The following CACNA1D variants were observed in gnomAD, a reference collection of about 807,000 sequenced individuals.
CACNA1D encodes calcium voltage-gated channel subunit alpha1 D.
In CACNA1D, 55 loss-of-function variants were observed where a neutral mutation model predicts 257.1. The ratio of observed to expected loss-of-function variants is 0.21; its 90% CI spans 0.17 to 0.27. The LOEUF is 0.27. Ranked by LOEUF, CACNA1D falls within the 10% of genes least tolerant of loss-of-function variation. CACNA1D has a pLI of 1.00. For missense variants in CACNA1D, 1,876 were observed against 2,784.0 expected, an observed-to-expected ratio of 0.67 and a Z score of 7.34; for synonymous variants, 980 against 1,014.9, an observed-to-expected ratio of 0.97 and a Z score of 0.65.
Position 53,782,262 on chromosome 3 carries a change from G to GTATATATATATATA in CACNA1D, c.4792+596_4792+597insATATATATATATAT, listed in dbSNP as rs1413952414. The GTATATATATATATA allele has an allele frequency of 3.0e-3, 128 of 41,980 alleles. 1 individual carries two copies. Among genetic ancestry groups the GTATATATATATATA allele is most frequent in the East Asian group, 0.011 (11 of 972 alleles). 2.6% of individuals were successfully genotyped at this position (41,980 alleles called of 1,614,324 possible). A position where few individuals can be genotyped will look rare whatever the true frequency, so the allele number is the denominator to read the frequency against. On this transcript the variant is annotated intron_variant, in intron 39 of 47. Coordinates refer to ENST00000350061, the MANE Select transcript of CACNA1D (RefSeq NM_001128840.3). ...ACAGTGTGTGTGTGTGTGTGTGTGT[G>GTATATATATATATA]TGTATATATATATATATATATATAT...
intron 9 of CACNA1D, among the ~76,000 whole-genome samples, chr3:53,717,420 G>A (rs1361069607): frequency 1.3e-5 from 2 of 152,210 alleles, no homozygotes; most frequent in Non-Finnish European, 2.9e-5. Flanking sequence ...TGTTCGTGAT[G>A]TTTATGGGGT....
At chr3:53,702,577 G>A in intron 8 of CACNA1D, 64 bp from the exon 9 acceptor site, 1 of 1,534,466 alleles carries the variant, frequency 6.5e-7, no homozygotes, top group African/African-American at 1.4e-5. Context: ...CAGTAGGGCA[G>A]TGGCTCAGGA....
At chr3:53,694,899 C>A (rs2094559762) in intron 8 of CACNA1D, among the ~76,000 whole-genome samples, 1 of 152,172 alleles carries the variant, frequency 6.6e-6, no homozygotes. Flanking sequence ...TGGGCTCAGG[C>A]TGTGCTTGTT....
rs890864801 is a variant in CACNA1D, at chr3:53,540,605, T to TA, written c.483+38893dup. On this transcript the variant is annotated intron_variant, in intron 3 of 47. Transcript: ENST00000350061. ...TTTGCCTTTCTATTTAAATTTCCTTTAAAAAAAATTGACACCAAAGAAATA... is the reference window on the plus strand; with the variant it reads ...TTTGCCTTTCTATTTAAATTTCCTTTAAAAAAAAATTGACACCAAAGAAATA... Among the ~76,000 whole-genome samples, 321 of 152,074 alleles carry TA rather than the reference T, an allele frequency of 2.1e-3. 5 individuals carry two copies. Among genetic ancestry groups the TA allele is most frequent in the African/African-American group, 7.4e-3 (306 of 41,480 alleles).
At chr3:53,525,673 G>A (rs930218607) in intron 3 of CACNA1D, among the ~76,000 whole-genome samples, 1 of 152,104 alleles carries the variant, frequency 6.6e-6, no homozygotes, top group Non-Finnish European at 1.5e-5. Flanking sequence ...GGAGCTCTCA[G>A]GATGTGCCAA....
At chr3:53,614,630 C>T (rs149974634) in intron 3 of CACNA1D, among the ~76,000 whole-genome samples, 32 of 152,294 alleles carry the variant, frequency 2.1e-4, no homozygotes, top group Middle Eastern at 3.4e-3. Context: ...TTATAAGGCC[C>T]ACATTCGTTT....
chr3:53,631,811 G>T (rs767978439), intron 3 of CACNA1D, among the ~76,000 whole-genome samples: 1 of 152,228 alleles, frequency 6.6e-6, no homozygotes, highest in African/African-American at 2.4e-5. Flanking sequence ...ATCAGATCAG[G>T]TGCATTGTTA....
chr3:53,673,198 G>A lies in CACNA1D; in HGVS notation c.1220+72G>A, dbSNP rs1046305989. 2.0e-6 allele frequency: 2 copies of A among 1,023,676 alleles called. No homozygotes were observed. The highest frequency in any genetic ancestry group is 4.1e-5 in the Admixed American group (2 of 48,374). The allele number at this position is 1,023,676 out of a possible 1,614,324, so 63.4% of individuals were successfully genotyped here. On this transcript the variant is annotated intron_variant, in intron 8 of 47. Coordinates refer to ENST00000350061, the MANE Select transcript of CACNA1D (RefSeq NM_001128840.3). This position sits in a 1 kb window ranked among gnomAD's most constrained non-coding sequence, Gnocchi z 4.1. ...TGCCAAGACCACACAAGCTTTGCTG[G>A]ATGAGGGCCGCCAAGAGGGGTTGCC...
chr3:53,672,758 C>CTG (rs57956658), intron 7 of CACNA1D, among the ~76,000 whole-genome samples: 2,376 of 94,996 alleles, frequency 0.025, 54 homozygotes, highest in Non-Finnish European at 0.029. Flanking sequence ...CTTGATGACT[C>CTG]TGTGTGTGTG....
chr3:53,733,574 G>T (rs1014647196), intron 19 of CACNA1D, among the ~76,000 whole-genome samples: 3 of 152,154 alleles, frequency 2.0e-5, no homozygotes, highest in Admixed American at 2.0e-4. Context: ...ATGATAAGGT[G>T]CTCACAAGGA....
At chr3:53,507,142 A>G (rs576342343) in intron 3 of CACNA1D, among the ~76,000 whole-genome samples, 1 of 151,886 alleles carries the variant, frequency 6.6e-6, no homozygotes, top group African/African-American at 2.4e-5. Context: ...ACCAGAGTAG[A>G]TGGACTCGTG....
chr3:53,800,141 G>T lies in CACNA1D; in HGVS notation c.4924-108G>T. The T allele has an allele frequency of 3.6e-6, 3 of 829,852 alleles. No homozygotes were observed. The Admixed American group carries it at 5.1e-5, about 14-fold the overall frequency. The allele number at this position is 829,852 out of a possible 1,614,324, so 51.4% of individuals were successfully genotyped here. ...GTCAGTGCCCTGGATTGGCTTTTGG[G>T]GAAGCCTTCCTCCCCACCGCTGAAT... On this transcript the variant is annotated intron_variant, in intron 40 of 47. Coordinates refer to ENST00000350061, the MANE Select transcript of CACNA1D (RefSeq NM_001128840.3). This position sits in a 1 kb window ranked among gnomAD's most constrained non-coding sequence, Gnocchi z 4.3.
chr3:53,741,583 G>A (rs1036752696), intron 21 of CACNA1D, among the ~76,000 whole-genome samples: 3 of 152,182 alleles, frequency 2.0e-5, no homozygotes, highest in Admixed American at 6.5e-5. Context: ...CCTTTAAGCC[G>A]ATGAATTTGG....
At position 53,789,104 on chromosome 3, in the gene CACNA1D, G is replaced by A. The variant is rs2095471266; in HGVS notation, c.4923+2152G>A. On this transcript the variant is annotated intron_variant, in intron 40 of 47. Transcript: ENST00000350061. The surrounding 1 kb of genome is among the most constrained non-coding windows in gnomAD (Gnocchi z 4.2). ...GGTTGTGGGTTAAAAGACTCTTTTT[G>A]TGTTGCAATAATGTTGAGGGTTTCT... Among the ~76,000 whole-genome samples, 1 of 152,164 alleles carries A rather than the reference G, an allele frequency of 6.6e-6. No homozygotes were observed. The highest frequency in any genetic ancestry group is 6.5e-5 in the Admixed American group (1 of 15,286).
rs532449642 is a variant in CACNA1D, at chr3:53,656,960, A to C, written c.624-3173A>C. On this transcript the variant is annotated intron_variant, in intron 4 of 47. Transcript: ENST00000350061. ...GAACTCTCATACACCACTTGTAGAA[A>C]TGGAAAATGGTATAATCACTTTGGA... Among the ~76,000 whole-genome samples, 13 of 152,344 alleles carry C rather than the reference A, an allele frequency of 8.5e-5. No individual in the cohort carries two copies. The South Asian group carries it at 2.3e-3, about 27-fold the overall frequency.
intron 26 of CACNA1D, among the ~76,000 whole-genome samples, chr3:53,747,658 G>C (rs2095183638): frequency 6.6e-6 from 1 of 152,208 alleles, no homozygotes; most frequent in Non-Finnish European, 1.5e-5. Context: ...TGGTAGAGGT[G>C]CCTGGCAGCA....
At chr3:53,538,863 G>C (rs1008339) in intron 3 of CACNA1D, among the ~76,000 whole-genome samples, 120,132 of 152,096 alleles carry the variant, frequency 0.79, 48,417 homozygotes, top group African/African-American at 0.94. Context: ...AAAACACATA[G>C]AGAAAATGCA....
At chr3:53,682,702 A>G (rs1363569168) in intron 8 of CACNA1D, among the ~76,000 whole-genome samples, 2 of 152,220 alleles carry the variant, frequency 1.3e-5, no homozygotes, top group Admixed American at 6.5e-5. Context: ...GAAAATCTGC[A>G]TATGAAAATC....
At chr3:53,529,213 T>C (rs1438003538) in intron 3 of CACNA1D, among the ~76,000 whole-genome samples, 2 of 152,300 alleles carry the variant, frequency 1.3e-5, no homozygotes, top group African/African-American at 4.8e-5. Flanking sequence ...GAGTTTTTAT[T>C]ATGAAAGGAT....
Sources: gnomAD v4.1 joint callset for allele counts (sites outside exome capture counted in the v4.1 genomes callset) on GRCh38, gnomAD v4.1.1 for gene constraint, Gnocchi (gnomAD v3.1) non-coding constraint, MANE v1.5 for transcripts, NCBI Gene and HGNC (gene_info 2026-07-23, HGNC 2026-07-21) for gene names.